The following TCF7L2 variants were observed in gnomAD, a reference collection of about 807,000 sequenced individuals.
The protein encoded by TCF7L2 is transcription factor 7 like 2.
In TCF7L2, 23 loss-of-function variants were observed where a neutral mutation model predicts 77.9. That is an observed-to-expected ratio of 0.30 (90% CI 0.21 to 0.42). TCF7L2 has a LOEUF of 0.42. Ranked by LOEUF, TCF7L2 falls within the 10% of genes least tolerant of loss-of-function variation. The pLI is 1.00. For missense variants in TCF7L2, 654 were observed against 793.1 expected (o/e 0.82, Z 2.11); for synonymous variants, 413 against 340.2 (o/e 1.21, Z -2.36).
intron 5 of TCF7L2, among the ~76,000 whole-genome samples, chr10:113,114,795 G>A (rs1345040383): frequency 6.6e-6 from 1 of 152,184 alleles, no homozygotes; most frequent in African/African-American, 2.4e-5. Flanking sequence ...GTGTTTTACT[G>A]TAGTCTCAGT....
chr10:112,992,866 C>T (rs920759011), intron 4 of TCF7L2, among the ~76,000 whole-genome samples: 2 of 151,942 alleles, frequency 1.3e-5, no homozygotes, highest in African/African-American at 4.8e-5. Context: ...CGAGTTCAAG[C>T]GATTCTCCTG....
chr10:113,114,695 C>T (rs1185412266), intron 5 of TCF7L2, among the ~76,000 whole-genome samples: 1 of 152,120 alleles, frequency 6.6e-6, no homozygotes, highest in Non-Finnish European at 1.5e-5. Flanking sequence ...AATGGCTTTG[C>T]ACGGGAGCAC....
intron 4 of TCF7L2, among the ~76,000 whole-genome samples, chr10:112,995,692 G>T (rs902429018): frequency 2.0e-5 from 3 of 152,150 alleles, no homozygotes; most frequent in African/African-American, 7.2e-5. Flanking sequence ...TTAGCCTAAA[G>T]GTCATTCCCT....
intron 5 of TCF7L2, among the ~76,000 whole-genome samples, chr10:113,103,849 G>A (rs1027411051): frequency 2.0e-5 from 3 of 152,174 alleles, no homozygotes; most frequent in African/African-American, 7.2e-5. Flanking sequence ...CAGCTTGACA[G>A]TTTCCATTAT....
At chr10:113,045,106 C>T (rs1020117520) in intron 5 of TCF7L2, among the ~76,000 whole-genome samples, 11 of 152,010 alleles carry the variant, frequency 7.2e-5, no homozygotes, top group African/African-American at 2.4e-4. Flanking sequence ...GGGGTGGAAG[C>T]GTTGTCCTTT....
chr10:113,096,577 T>TC (rs1204595809), intron 5 of TCF7L2, among the ~76,000 whole-genome samples: 1 of 152,108 alleles, frequency 6.6e-6, no homozygotes, highest in Non-Finnish European at 1.5e-5. Context: ...ATCAGTAGTT[T>TC]CTTTTTTTTT....
At chr10:112,971,411 C>T (rs764515166) in intron 4 of TCF7L2, among the ~76,000 whole-genome samples, 1 of 152,028 alleles carries the variant, frequency 6.6e-6, no homozygotes, top group Non-Finnish European at 1.5e-5. Flanking sequence ...AGGTTTCAAG[C>T]GATTCCCGTG....
intron 5 of TCF7L2, among the ~76,000 whole-genome samples, chr10:113,076,687 C>T (rs887661985): frequency 6.6e-6 from 1 of 152,142 alleles, no homozygotes; most frequent in Non-Finnish European, 1.5e-5. Context: ...CAAGTGTTTG[C>T]GGTTCCCACT....
At chr10:113,028,325 G>A (rs1488491667) in intron 4 of TCF7L2, among the ~76,000 whole-genome samples, 2 of 152,118 alleles carry the variant, frequency 1.3e-5, no homozygotes, top group Non-Finnish European at 2.9e-5. Flanking sequence ...CAGGGGGGTC[G>A]TGGGGCCTCC....
chr10:112,955,233 C>A (rs1260585904), intron 3 of TCF7L2, among the ~76,000 whole-genome samples: 2 of 152,090 alleles, frequency 1.3e-5, no homozygotes, highest in Non-Finnish European at 2.9e-5. Context: ...ATGCTTATCG[C>A]CCTGAAAAAG....
intron 4 of TCF7L2, among the ~76,000 whole-genome samples, chr10:112,966,184 T>TATATATATATATATATATATATATA (rs2036754580): frequency 7.0e-5 from 8 of 114,226 alleles, no homozygotes; most frequent in African/African-American, 3.8e-4. Flanking sequence ...TAAAATATAT[T>TATATATATATATATATATATATATA]TATATATATA....
intron 4 of TCF7L2, among the ~76,000 whole-genome samples, chr10:113,030,470 C>G (rs2050029405): frequency 6.6e-6 from 1 of 152,162 alleles, no homozygotes; most frequent in African/African-American, 2.4e-5. Context: ...TGGGTAGTAA[C>G]TAAAACATTC....
At chr10:112,997,944 C>CAA (rs2043790272) in intron 4 of TCF7L2, among the ~76,000 whole-genome samples, 1 of 152,102 alleles carries the variant, frequency 6.6e-6, no homozygotes, top group South Asian at 2.1e-4. Context: ...AAGTGTATTA[C>CAA]AACCCCGTGT....
intron 5 of TCF7L2, chr10:113,129,781 G>A (rs1437034445): frequency 1.6e-6 from 2 of 1,274,418 alleles, no homozygotes; most frequent in African/African-American, 1.5e-5. Context: ...AGAAAGGGAG[G>A]AGGAAGAAAA....
At chr10:113,121,672 C>T (rs923761746) in intron 5 of TCF7L2, among the ~76,000 whole-genome samples, 11 of 151,960 alleles carry the variant, frequency 7.2e-5, no homozygotes, top group African/African-American at 2.7e-4. Context: ...GGATTTACCC[C>T]CCTTCTCTCA....
At chr10:113,148,116 A>C (rs774151422) in intron 8 of TCF7L2, among the ~76,000 whole-genome samples, 6 of 152,198 alleles carry the variant, frequency 3.9e-5, no homozygotes, top group Non-Finnish European at 8.8e-5. Context: ...CAGTGGGGCC[A>C]GGACTTCTCA....
chr10:113,034,705 G>C (rs2050837311), intron 4 of TCF7L2, among the ~76,000 whole-genome samples: 1 of 152,170 alleles, frequency 6.6e-6, no homozygotes, highest in East Asian at 1.9e-4. Flanking sequence ...AGACCAGCCT[G>C]ACCAACATGG....
intron 12 of TCF7L2, 58 bp downstream of exon 12, chr10:113,158,127 T>C (rs2072350361): frequency 1.3e-6 from 2 of 1,544,584 alleles, no homozygotes; most frequent in Non-Finnish European, 1.8e-6. Flanking sequence ...CACCCTTTTA[T>C]GTTAGGTTTC....
At chr10:113,007,988 A>C (rs1210804578) in intron 4 of TCF7L2, among the ~76,000 whole-genome samples, 1 of 152,138 alleles carries the variant, frequency 6.6e-6, no homozygotes, top group Non-Finnish European at 1.5e-5. Flanking sequence ...GGCTTGGGGA[A>C]GCGTGCAGCC....
Sources: gnomAD v4.1 joint callset for allele counts (sites outside exome capture counted in the v4.1 genomes callset) on GRCh38, gnomAD v4.1.1 for gene constraint, MANE v1.5 for transcripts, NCBI Gene and HGNC (gene_info 2026-07-23, HGNC 2026-07-21) for gene names.